The following HPCAL1 variants were observed in gnomAD, a reference collection of about 807,000 sequenced individuals.
HPCAL1 encodes the protein hippocalcin-like protein 1.
Under a neutral mutation model 17.1 loss-of-function variants are expected in HPCAL1, and 8 were observed. The observed-to-expected ratio is 0.47, with a 90% CI of 0.27 to 0.84. HPCAL1 has a LOEUF of 0.84. Among genes scored for constraint, HPCAL1 ranks in the 40% least tolerant of loss-of-function variants. The probability of loss-of-function intolerance (pLI) is 0.13; values close to 1 mark genes in which losing one functional copy is unlikely to be tolerated. For synonymous variants in HPCAL1, 112 were observed against 111.4 expected, an observed-to-expected ratio of 1.01 and a Z score of -0.03; for missense variants, 165 against 271.1, an observed-to-expected ratio of 0.61 and a Z score of 2.75.
intron 1 of HPCAL1, among the ~76,000 whole-genome samples, chr2:10,356,267 G>C (rs569913914): frequency 6.6e-6 from 1 of 152,324 alleles, no homozygotes; most frequent in Admixed American, 6.5e-5. Flanking sequence ...CGGGCCTATA[G>C]TGAATCATGA....
At chr2:10,370,550 C>T (rs1173564449) in intron 1 of HPCAL1, among the ~76,000 whole-genome samples, 1 of 152,190 alleles carries the variant, frequency 6.6e-6, no homozygotes, top group South Asian at 2.1e-4. Context: ...GTCCCCAGAG[C>T]GGGGTCTAAC....
intron 1 of HPCAL1, among the ~76,000 whole-genome samples, chr2:10,360,174 A>G (rs1666435706): frequency 1.3e-5 from 2 of 152,162 alleles, no homozygotes; most frequent in Non-Finnish European, 2.9e-5. Context: ...GGAGCTGGCA[A>G]GGGAGGGGTG....
At chr2:10,355,766 G>A (rs1666117399) in intron 1 of HPCAL1, among the ~76,000 whole-genome samples, 1 of 152,034 alleles carries the variant, frequency 6.6e-6, no homozygotes, top group South Asian at 2.1e-4. Flanking sequence ...CCACAGAGAT[G>A]GACACTTTTT....
intron 1 of HPCAL1, among the ~76,000 whole-genome samples, chr2:10,390,903 T>C (rs1455164773): frequency 6.6e-6 from 1 of 152,082 alleles, no homozygotes; most frequent in Non-Finnish European, 1.5e-5. Flanking sequence ...GAGCGGAGAG[T>C]TCCTCCAGTC....
chr2:10,311,899 T>C (rs1662985209), intron 1 of HPCAL1, among the ~76,000 whole-genome samples: 1 of 150,638 alleles, frequency 6.6e-6, no homozygotes, highest in Non-Finnish European at 1.5e-5. Flanking sequence ...ATCATTGCTG[T>C]CGCTATCATC....
At position 10,394,566 on chromosome 2, in the gene HPCAL1, C is replaced by T. The variant is rs151155636; in HGVS notation, c.-110-2269C>T. ...TGATGCTGTAATGGTGGGTGCGCAT[C>T]GGTACACGTTTGTCAAAGCCCACGG... On this transcript the variant is annotated intron_variant, in intron 1 of 4. Transcript: ENST00000307845. This position sits in a 1 kb window ranked among gnomAD's most constrained non-coding sequence, Gnocchi z 5.0. Among the ~76,000 whole-genome samples, 56 of 152,306 alleles carry T rather than the reference C, an allele frequency of 3.7e-4. No homozygotes were observed. Among genetic ancestry groups the T allele is most frequent in the East Asian group, 2.3e-3 (12 of 5,172 alleles).
intron 1 of HPCAL1, among the ~76,000 whole-genome samples, chr2:10,393,591 A>G (rs1253609948): frequency 6.6e-6 from 1 of 152,194 alleles, no homozygotes; most frequent in Non-Finnish European, 1.5e-5. Flanking sequence ...CAGAGGAAAG[A>G]TGCCTCTGTG....
intron 2 of HPCAL1, among the ~76,000 whole-genome samples, chr2:10,407,233 CAG>C (rs1033784661): frequency 7.2e-5 from 11 of 152,316 alleles, no homozygotes; most frequent in South Asian, 2.1e-4. Flanking sequence ...TGCCAGAAAA[CAG>C]AGATTTCCAG....
At chr2:10,401,526 G>A (rs575136412) in intron 2 of HPCAL1, among the ~76,000 whole-genome samples, 28 of 152,142 alleles carry the variant, frequency 1.8e-4, no homozygotes, top group Non-Finnish European at 4.0e-4. Context: ...AGACAGTGCC[G>A]CGGTGGCCGA....
chr2:10,407,704 T>G (rs1301234149), intron 2 of HPCAL1, among the ~76,000 whole-genome samples: 3 of 151,742 alleles, frequency 2.0e-5, no homozygotes, highest in East Asian at 3.9e-4. Context: ...TTGGAGGGAG[T>G]GAGCCTTGCA....
At chr2:10,416,701 C>CTT (rs34538965) in intron 2 of HPCAL1, among the ~76,000 whole-genome samples, 2 of 146,206 alleles carry the variant, frequency 1.4e-5, no homozygotes, top group African/African-American at 5.0e-5. Context: ...TTTACATTCC[C>CTT]TTTTTTTTTT....
intron 1 of HPCAL1, among the ~76,000 whole-genome samples, chr2:10,372,481 CTG>C (rs1667283692): frequency 6.6e-6 from 1 of 152,162 alleles, no homozygotes; most frequent in African/African-American, 2.4e-5. Context: ...GAGCGTATGG[CTG>C]TGACACACCC....
chr2:10,382,828 G>A (rs886242871), intron 1 of HPCAL1, among the ~76,000 whole-genome samples: 8 of 152,350 alleles, frequency 5.3e-5, no homozygotes, highest in South Asian at 2.1e-4. Flanking sequence ...CAAACCAGCC[G>A]TGAAGGCTGC....
chr2:10,412,807 C>A (rs1252992710), intron 2 of HPCAL1, among the ~76,000 whole-genome samples: 1 of 152,140 alleles, frequency 6.6e-6, no homozygotes, highest in African/African-American at 2.4e-5. Flanking sequence ...TCCTTCCTGG[C>A]CCCCCTCCCT....
chr2:10,384,213 GGAA>G lies in HPCAL1; in HGVS notation c.-110-12620_-110-12618del, dbSNP rs1668161611. Among the ~76,000 whole-genome samples the G allele has an allele frequency of 6.6e-6, 1 of 152,128 alleles. No homozygotes were observed. ...AGGTGAGGGAGGTGGCGGCCCGGCA[GGAA>G]GGTCATTTCTTTCTTCAGTCACATC... On this transcript the variant is annotated intron_variant, in intron 1 of 4. Transcript: ENST00000307845. The surrounding 1 kb of genome is among the most constrained non-coding windows in gnomAD (Gnocchi z 4.4).
At chr2:10,408,024 G>A (rs530777768) in intron 2 of HPCAL1, among the ~76,000 whole-genome samples, 4 of 152,340 alleles carry the variant, frequency 2.6e-5, no homozygotes, top group Admixed American at 6.5e-5. Flanking sequence ...TGAGGCGAGC[G>A]TGCCACACGG....
At chr2:10,368,229 A>G (rs528818682) in intron 1 of HPCAL1, among the ~76,000 whole-genome samples, 38 of 145,230 alleles carry the variant, frequency 2.6e-4, no homozygotes, top group African/African-American at 9.7e-4. Flanking sequence ...GTGTGTACAC[A>G]TATGCATGTG....
intron 1 of HPCAL1, among the ~76,000 whole-genome samples, chr2:10,315,939 G>A (rs1332848291): frequency 6.6e-6 from 1 of 152,154 alleles, no homozygotes; most frequent in Non-Finnish European, 1.5e-5. Flanking sequence ...CCCAGGAGGT[G>A]GAGGTTGCAC....
At chr2:10,334,695 C>CTTTTTCTTTTTTCTTT (rs1553342211) in intron 1 of HPCAL1, among the ~76,000 whole-genome samples, 1 of 146,330 alleles carries the variant, frequency 6.8e-6, no homozygotes, top group African/African-American at 2.6e-5. Context: ...ATTCCATTGA[C>CTTTTTCTTTTTTCTTT]TTTTTTTTGA....
Sources: allele counts gnomAD v4.1 joint callset (sites outside exome capture counted in the v4.1 genomes callset), GRCh38; gene constraint gnomAD v4.1.1; non-coding constraint Gnocchi (gnomAD v3.1); transcripts MANE v1.5; gene names NCBI Gene and HGNC (gene_info 2026-07-23, HGNC 2026-07-21).